TTC7A: variants seen among roughly 807,000 people sequenced by gnomAD.
TTC7A encodes the protein tetratricopeptide repeat domain 7A, also known as tetratricopeptide repeat protein 7A.
In TTC7A, 110 loss-of-function variants were observed where a neutral mutation model predicts 103.7. The ratio of observed to expected loss-of-function variants is 1.06; its 90% CI spans 0.91 to 1.24. TTC7A has a LOEUF of 1.24. Ranked by LOEUF, TTC7A falls within the 50% of genes most tolerant of loss-of-function variation. TTC7A has a pLI of 0.00. For missense variants in TTC7A, 1,340 were observed against 1,116.3 expected (o/e 1.20, Z -2.86); for synonymous variants, 521 against 467.9 (o/e 1.11, Z -1.47).
intron 1 of TTC7A, among the ~76,000 whole-genome samples, chr2:46,945,814 G>T (rs1158711744): frequency 6.6e-6 from 1 of 152,180 alleles, no homozygotes; most frequent in Non-Finnish European, 1.5e-5. Flanking sequence ...GTTTGAGGCA[G>T]ATGGTCTCTT....
intron 3 of TTC7A, among the ~76,000 whole-genome samples, chr2:46,959,876 G>A (rs1308102938): frequency 2.6e-5 from 4 of 152,220 alleles, no homozygotes; most frequent in Admixed American, 6.5e-5. Flanking sequence ...TATATAAGGT[G>A]TGGGGGAGTA....
At chr2:46,981,146 C>T (rs1414169242) in intron 5 of TTC7A, among the ~76,000 whole-genome samples, 1 of 152,166 alleles carries the variant, frequency 6.6e-6, no homozygotes, top group African/African-American at 2.4e-5. Flanking sequence ...AAAAAATTTG[C>T]TGATCCCCCC....
Position 46,974,363 on chromosome 2 carries a change from C to T in TTC7A, c.518-610C>T, listed in dbSNP as rs116344408. Among the ~76,000 whole-genome samples, 1,276 of 152,336 alleles carry T rather than the reference C, an allele frequency of 8.4e-3. 15 individuals carry two copies. Among genetic ancestry groups the T allele is most frequent in the African/African-American group, 0.029 (1,187 of 41,584 alleles). ...TACCTACCAGGTGGTCGAGCTGGCA[C>T]CGTCACGGGCAGAGCTAGGTTGTAA... On this transcript the variant is annotated intron_variant, in intron 3 of 19. Coordinates refer to ENST00000319190, the MANE Select transcript of TTC7A (RefSeq NM_020458.4).
chr2:46,978,721 C>A, intron 4 of TTC7A, 71 bp from the exon 5 acceptor site: 1 of 1,247,758 alleles, frequency 8.0e-7, no homozygotes, highest in Non-Finnish European at 1.2e-6. Context: ...GATGAGGCCA[C>A]CTCCTCTTGC....
chr2:47,063,577 G>A (rs1683957042), intron 19 of TTC7A, among the ~76,000 whole-genome samples: 1 of 152,244 alleles, frequency 6.6e-6, no homozygotes, highest in Non-Finnish European at 1.5e-5. Flanking sequence ...TGTGAACTCT[G>A]GAGGTTGGTA....
chr2:46,920,532 T>C (rs564353021), intron 2 of TTC7A, among the ~76,000 whole-genome samples: 14 of 152,078 alleles, frequency 9.2e-5, no homozygotes, highest in African/African-American at 2.7e-4. Context: ...GGTTTCACCA[T>C]GTTGGCCAGG....
intron 2 of TTC7A, among the ~76,000 whole-genome samples, chr2:46,928,459 T>TTA (rs1558477888): frequency 6.1e-5 from 5 of 81,976 alleles, no homozygotes; most frequent in Non-Finnish European, 2.7e-5. Context: ...AAAGGGAAAT[T>TTA]AAAAAAAAAA....
At chr2:47,013,941 G>A (rs1173107135) in intron 11 of TTC7A, among the ~76,000 whole-genome samples, 2 of 152,152 alleles carry the variant, frequency 1.3e-5, no homozygotes, top group African/African-American at 2.4e-5. Context: ...CCGAGAGTGG[G>A]CTCCTGGCAA....
intron 8 of TTC7A, among the ~76,000 whole-genome samples, chr2:46,997,657 C>G (rs924176462): frequency 6.6e-6 from 1 of 152,144 alleles, no homozygotes; most frequent in Non-Finnish European, 1.5e-5. Flanking sequence ...GGACTTCCAT[C>G]CTGGTACTTC....
At chr2:47,062,039 G>T (rs905702133) in intron 19 of TTC7A, among the ~76,000 whole-genome samples, 9 of 152,332 alleles carry the variant, frequency 5.9e-5, no homozygotes, top group Non-Finnish European at 1.2e-4. Flanking sequence ...CAGGAGAATG[G>T]CTCCAGATGG....
intron 11 of TTC7A, among the ~76,000 whole-genome samples, chr2:47,021,132 C>T (rs1679233966): frequency 6.6e-6 from 1 of 152,224 alleles, no homozygotes; most frequent in South Asian, 2.1e-4. Context: ...AACTTGGGCA[C>T]ACTACCACAC....
intron 2 of TTC7A, among the ~76,000 whole-genome samples, chr2:46,927,740 T>G (rs1669464603): frequency 4.6e-5 from 7 of 152,034 alleles, no homozygotes; most frequent in Admixed American, 4.6e-4. Flanking sequence ...ACAGTATATC[T>G]TCAAAGTGCA....
rs929924538 is a variant in TTC7A at position 47,073,989 on chromosome 2, G to T, written c.*66G>T. 2.9e-6 allele frequency: 4 copies of T among 1,373,048 alleles called. No individual in the cohort carries two copies. The South Asian group carries it at 3.7e-5, about 13-fold the overall frequency. The allele number at this position is 1,373,048 out of a possible 1,614,324, so 85.1% of individuals were successfully genotyped here. On this transcript the variant is annotated 3_prime_UTR_variant, in exon 20 of 20. Transcript: ENST00000319190. ...AGAGGCAGCAGGGAACGTGGGTCAGGGTGGGGCAACAGTGGCATCAGGTGC... is the reference window on the plus strand; with the variant it reads ...AGAGGCAGCAGGGAACGTGGGTCAGTGTGGGGCAACAGTGGCATCAGGTGC...
chr2:46,954,067 G>T (rs13413912), intron 2 of TTC7A, among the ~76,000 whole-genome samples: 1 of 152,100 alleles, frequency 6.6e-6, no homozygotes, highest in Non-Finnish European at 1.5e-5. Flanking sequence ...CTGCCTCCCA[G>T]AGTACTGGGG....
chr2:46,931,751 G>C (rs1417414073), intron 2 of TTC7A, among the ~76,000 whole-genome samples: 1 of 151,602 alleles, frequency 6.6e-6, no homozygotes, highest in Non-Finnish European at 1.5e-5. Flanking sequence ...GTCAAATCAT[G>C]AGTAGTAGAT....
chr2:47,006,055 C>T lies in TTC7A; in HGVS notation c.1199C>T (p.Ser400Leu), dbSNP rs142616749. The change falls in exon 9 of 20, where the codon TCG (serine) becomes TTG (leucine). Residue 400 changes from serine (S) to leucine (L), a missense_variant. Physicochemically the swap from Ser to Leu is moderately radical, Grantham distance 145. Coordinates refer to ENST00000319190, the MANE Select transcript of TTC7A (RefSeq NM_020458.4). ...AGAAGGGGACAGTACGTCATGCTCT[C>T]GGAGGTACGGCCGGCCATGCAGCCC... ...LGRRGQYVML[S>L]ECLERAMKFA... 14 of 1,612,928 alleles carry T rather than the reference C, an allele frequency of 8.7e-6. No individual in the cohort carries two copies. The highest frequency in any genetic ancestry group is 4.5e-5 in the East Asian group (2 of 44,860).
chr2:46,943,191 C>T (rs995799286), intron 1 of TTC7A, among the ~76,000 whole-genome samples: 2 of 152,196 alleles, frequency 1.3e-5, no homozygotes, highest in Non-Finnish European at 2.9e-5. Flanking sequence ...GCATGAACCA[C>T]TGTGTCTGGC....
intron 8 of TTC7A, among the ~76,000 whole-genome samples, chr2:47,003,915 G>A (rs549900535): frequency 3.5e-4 from 54 of 152,344 alleles, no homozygotes; most frequent in African/African-American, 1.2e-3. Flanking sequence ...GGGACAGAAC[G>A]AGGGCTGTAT....
chr2:46,956,177 G>A (rs1193620187), intron 2 of TTC7A, among the ~76,000 whole-genome samples: 1 of 152,186 alleles, frequency 6.6e-6, no homozygotes, highest in African/African-American at 2.4e-5. Flanking sequence ...TGAGATGTAA[G>A]CAACTTTTGA....
Sources: allele counts gnomAD v4.1 joint callset (sites outside exome capture counted in the v4.1 genomes callset), GRCh38; gene constraint gnomAD v4.1.1; transcripts MANE v1.5; gene names NCBI Gene and HGNC (gene_info 2026-07-23, HGNC 2026-07-21).